Variants in CEP128 observed in about 807,000 individuals in gnomAD.
CEP128 encodes centrosomal protein 128kDa.
A neutral mutation model predicts 156.7 loss-of-function variants in CEP128; 132 were observed. That is an observed-to-expected ratio of 0.84 (90% CI 0.73 to 0.97). The LOEUF (loss-of-function observed/expected upper bound fraction) is 0.97, where lower values mean the gene tolerates loss of function less well. CEP128 is among the 50% of genes least tolerant of loss of function. The probability of loss-of-function intolerance (pLI) is 0.00; values close to 1 mark genes in which losing one functional copy is unlikely to be tolerated. For synonymous variants in CEP128, 469 were observed against 448.9 expected (o/e 1.04, Z -0.57); for missense variants, 1,252 against 1,281.9 (o/e 0.98, Z 0.36).
intron 13 of CEP128, among the ~76,000 whole-genome samples, chr14:80,824,901 T>C (rs1051625451): frequency 6.6e-6 from 1 of 152,216 alleles, no homozygotes. Context: ...TCTGTTTTCA[T>C]GTTGCTGATA....
At chr14:80,559,573 T>C (rs1027832210) in intron 20 of CEP128, among the ~76,000 whole-genome samples, 1 of 152,216 alleles carries the variant, frequency 6.6e-6, no homozygotes. Flanking sequence ...GAATAGAACC[T>C]ACCATTTTTG....
chr14:80,728,434 G>T (rs1898101630), intron 19 of CEP128, among the ~76,000 whole-genome samples: 1 of 151,912 alleles, frequency 6.6e-6, no homozygotes, highest in Admixed American at 6.6e-5. Flanking sequence ...TCATAGTAAT[G>T]AAATCATTTG....
At chr14:80,879,624 G>A (rs914575663) in intron 8 of CEP128, among the ~76,000 whole-genome samples, 3 of 151,904 alleles carry the variant, frequency 2.0e-5, no homozygotes, top group Non-Finnish European at 2.9e-5. Flanking sequence ...ATTTGAAGAT[G>A]AGTATTTTGA....
intron 19 of CEP128, among the ~76,000 whole-genome samples, chr14:80,633,098 G>T (rs2140738417): frequency 6.6e-6 from 1 of 152,058 alleles, no homozygotes; most frequent in South Asian, 2.1e-4. Flanking sequence ...ATGGTGATGT[G>T]TGTCTGTAGT....
chr14:80,596,489 AG>A (rs1371511400), intron 19 of CEP128, among the ~76,000 whole-genome samples: 2 of 152,092 alleles, frequency 1.3e-5, no homozygotes, highest in Non-Finnish European at 2.9e-5. Flanking sequence ...TTCTCAAGGG[AG>A]GTTTAAAAAT....
At chr14:80,515,041 G>C (rs1158273708) in intron 23 of CEP128, among the ~76,000 whole-genome samples, 1 of 152,216 alleles carries the variant, frequency 6.6e-6, no homozygotes, top group Non-Finnish European at 1.5e-5. Context: ...TGGGTTACCA[G>C]GCGGAATCTC....
intron 20 of CEP128, among the ~76,000 whole-genome samples, chr14:80,567,222 T>G (rs1890951158): frequency 6.6e-6 from 1 of 152,194 alleles, no homozygotes; most frequent in Non-Finnish European, 1.5e-5. Flanking sequence ...GGTTTTATTA[T>G]GAGGAGATTA....
At chr14:80,810,193 G>A (rs1463134134) in intron 13 of CEP128, among the ~76,000 whole-genome samples, 1 of 151,108 alleles carries the variant, frequency 6.6e-6, no homozygotes, top group Non-Finnish European at 1.5e-5. Flanking sequence ...CATGATTGTA[G>A]ACGCCTGTAG....
chr14:80,945,836 C>G (rs1566731457), upstream of CEP128: 2 of 152,176 alleles, frequency 1.3e-5, no homozygotes, highest in African/African-American at 4.8e-5. Context: ...AGGAAATGAG[C>G]CCAAGAGAAT....
chr14:80,764,832 C>T (rs1377281439), intron 16 of CEP128, among the ~76,000 whole-genome samples: 3 of 152,230 alleles, frequency 2.0e-5, no homozygotes, highest in African/African-American at 7.2e-5. Context: ...CCCACTAAGG[C>T]TTCTAAACTT....
At chr14:80,770,292 C>T (rs972038283) in intron 16 of CEP128, among the ~76,000 whole-genome samples, 3 of 152,184 alleles carry the variant, frequency 2.0e-5, no homozygotes, top group Admixed American at 1.3e-4. Context: ...AATTTCAAAA[C>T]GGCTTCATCA....
chr14:80,726,146 C>T (rs982226194), intron 19 of CEP128, among the ~76,000 whole-genome samples: 1 of 152,168 alleles, frequency 6.6e-6, no homozygotes, highest in Non-Finnish European at 1.5e-5. Context: ...TGTCTGATGA[C>T]CATGACAGCC....
At chr14:80,737,434 A>C (rs1209478981) in intron 19 of CEP128, among the ~76,000 whole-genome samples, 4 of 150,248 alleles carry the variant, frequency 2.7e-5, no homozygotes, top group Non-Finnish European at 5.9e-5. Flanking sequence ...AATTATAAAG[A>C]AAGCAACAAG....
chr14:80,913,913 A>G (rs1159070165), intron 4 of CEP128, among the ~76,000 whole-genome samples: 1 of 152,256 alleles, frequency 6.6e-6, no homozygotes, highest in African/African-American at 2.4e-5. Flanking sequence ...GTTCCACTAC[A>G]GCAATAGAAA....
At chr14:80,860,165 G>C (rs1371079376) in intron 9 of CEP128, among the ~76,000 whole-genome samples, 1 of 152,084 alleles carries the variant, frequency 6.6e-6, no homozygotes, top group Non-Finnish European at 1.5e-5. Context: ...GACCTTTCCG[G>C]AACAGTTTAA....
intron 19 of CEP128, among the ~76,000 whole-genome samples, chr14:80,706,113 A>C (rs958810249): frequency 6.6e-5 from 10 of 152,262 alleles, no homozygotes; most frequent in African/African-American, 2.4e-4. Flanking sequence ...TCACTTACTT[A>C]TTAGTTGGAA....
intron 13 of CEP128, among the ~76,000 whole-genome samples, chr14:80,800,217 A>C (rs1244584923): frequency 6.6e-6 from 1 of 152,304 alleles, no homozygotes; most frequent in East Asian, 1.9e-4. Flanking sequence ...ACCTACACTG[A>C]AATACTGGGG....
intron 19 of CEP128, among the ~76,000 whole-genome samples, chr14:80,687,392 G>A (rs945067313): frequency 6.6e-5 from 10 of 152,098 alleles, no homozygotes; most frequent in Non-Finnish European, 1.3e-4. Context: ...GGAATACTAT[G>A]CAGCCATAAA....
At chr14:80,544,870 G>T (rs1227766617) in intron 21 of CEP128, among the ~76,000 whole-genome samples, 1 of 151,972 alleles carries the variant, frequency 6.6e-6, no homozygotes, top group African/African-American at 2.4e-5. Flanking sequence ...AGACAGAATG[G>T]GACTTACTAT....
Sources: allele counts gnomAD v4.1 joint callset (sites outside exome capture counted in the v4.1 genomes callset), GRCh38; gene constraint gnomAD v4.1.1; transcripts MANE v1.5; gene names NCBI Gene and HGNC (gene_info 2026-07-23, HGNC 2026-07-21).